PSG1: variants seen among roughly 807,000 people sequenced by gnomAD.
The protein encoded by PSG1 is pregnancy specific beta-1-glycoprotein 1, also known as pregnancy-specific beta-1-glycoprotein 1.
In PSG1, 60 loss-of-function variants were observed where a neutral mutation model predicts 41.4. The observed-to-expected ratio is 1.45, with a 90% CI of 1.18 to 1.80. PSG1 has a LOEUF of 1.80. Ranked by LOEUF, PSG1 falls within the 40% of genes most tolerant of loss-of-function variation. The pLI, the probability that PSG1 is intolerant of heterozygous loss-of-function variation, is 0.00. For missense variants in PSG1, 806 were observed against 516.9 expected (o/e 1.56, Z -5.42); for synonymous variants, 256 against 192.9 (o/e 1.33, Z -2.71).
At chr19:42,867,234 T>G in intron 5 of PSG1, 84 bp from the exon 6 acceptor site, 1 of 757,100 alleles carries the variant, frequency 1.3e-6, no homozygotes, top group Non-Finnish European at 2.4e-6. Flanking sequence ...ATTTTCCACA[T>G]AATTTTTCCC....
At chr19:42,871,741 C>G in intron 3 of PSG1, 26 bp downstream of exon 3, 2 of 1,612,646 alleles carry the variant, frequency 1.2e-6, no homozygotes, top group Non-Finnish European at 1.7e-6. Flanking sequence ...GGCAGCCTGG[C>G]TCACAGAGGA....
Position 42,866,602 on chromosome 19 carries a change from G to A in PSG1, c.*532C>T, listed in dbSNP as rs7248388. The stretch of plus-strand genomic sequence containing the variant: ...TCTATTATAATTTCAGCTTTCCTAC[G>A]TCTTCATACAAACCATCTTCTCTGC... On this transcript the variant is annotated 3_prime_UTR_variant, in exon 6 of 6. Coordinates refer to ENST00000436291, the MANE Select transcript of PSG1 (RefSeq NM_001184825.2). 149 of 213,436 alleles carry A rather than the reference G, an allele frequency of 7.0e-4. 2 individuals carry two copies. The highest frequency in any genetic ancestry group is 2.7e-3 in the African/African-American group (119 of 43,878). 13.2% of individuals were successfully genotyped at this position (213,436 alleles called of 1,614,324 possible). A position where few individuals can be genotyped will look rare whatever the true frequency, so the allele number is the denominator to read the frequency against.
At chr19:42,879,453 C>T (rs1475146682) in intron 1 of PSG1, 65 bp downstream of exon 1, 10 of 1,590,498 alleles carry the variant, frequency 6.3e-6, no homozygotes, top group Non-Finnish European at 7.7e-6. Context: ...CCATCCTCTC[C>T]AGGAGACCCC....
In PSG1 at chr19:42,867,846, A is replaced by G. The variant is rs1273761219; in HGVS notation, c.1243+255T>C. ...TAAAAATCATAAAAACATTATCTTC[A>G]TTATTATCAATTATTTCAATGAAAT... On this transcript the variant is annotated intron_variant, in intron 5 of 5. Coordinates refer to ENST00000436291, the MANE Select transcript of PSG1 (RefSeq NM_001184825.2). The G allele has an allele frequency of 3.1e-6, 4 of 1,292,462 alleles. 1 individual carries two copies. The highest frequency in any genetic ancestry group is 3.0e-5 in the African/African-American group (2 of 66,084). 80.1% of individuals were successfully genotyped at this position (1,292,462 alleles called of 1,614,324 possible).
intron 3 of PSG1, chr19:42,869,483 T>C: frequency 5.1e-6 from 1 of 196,884 alleles, no homozygotes; most frequent in East Asian, 1.1e-4. Flanking sequence ...TGAGTAATAA[T>C]GGGACTTCCC....
chr19:42,873,830 G>T (rs1467428234), intron 2 of PSG1, among the ~76,000 whole-genome samples: 1 of 151,598 alleles, frequency 6.6e-6, no homozygotes, highest in Non-Finnish European at 1.5e-5. Context: ...TCTGTGCAGA[G>T]TTAGGAAAAA....
At chr19:42,872,197 G>T in intron 2 of PSG1, 152 bp from the exon 3 acceptor site, 2 of 1,175,234 alleles carry the variant, frequency 1.7e-6, no homozygotes, top group Non-Finnish European at 2.4e-6. Context: ...CAGATGCATG[G>T]CAATCTGAGG....
intron 5 of PSG1, chr19:42,867,527 T>G (rs1034802776): frequency 1.7e-6 from 1 of 605,968 alleles, no homozygotes; most frequent in African/African-American, 1.9e-5. Context: ...GTTTTTAATA[T>G]AACATCCGAA....
chr19:42,872,172 G>T, intron 2 of PSG1, 127 bp from the exon 3 acceptor site: 1 of 1,357,772 alleles, frequency 7.4e-7, no homozygotes, highest in African/African-American at 1.5e-5. Context: ...CATGGCAGGT[G>T]TGTGTGATAC....
At chr19:42,876,066 G>A in intron 2 of PSG1, among the ~76,000 whole-genome samples, 1 of 151,350 alleles carries the variant, frequency 6.6e-6, no homozygotes, top group East Asian at 1.9e-4. Context: ...TCTTTCCTGG[G>A]AGGTGGGCCA....
chr19:42,872,935 A>T (rs1046160447), intron 2 of PSG1, among the ~76,000 whole-genome samples: 23 of 151,820 alleles, frequency 1.5e-4, no homozygotes, highest in African/African-American at 5.3e-4. Flanking sequence ...TTTGGTGAAT[A>T]TTAGACCAAT....
intron 3 of PSG1, among the ~76,000 whole-genome samples, chr19:42,871,489 C>A (rs112675409): frequency 0.13 from 19,590 of 151,640 alleles, 1,720 homozygotes; most frequent in Admixed American, 0.18. Flanking sequence ...AGCCAAATCC[C>A]CACTGTGTTC....
intron 5 of PSG1, 59 bp downstream of exon 5, chr19:42,868,042 T>A (rs773984308): frequency 2.5e-6 from 4 of 1,611,894 alleles, no homozygotes; most frequent in Non-Finnish European, 3.4e-6. Flanking sequence ...GACTCTTCTC[T>A]GAATGCCAGA....
chr19:42,878,810 C>T lies in PSG1; in HGVS notation c.65-532G>A, dbSNP rs190470893. Among the ~76,000 whole-genome samples, 21 of 151,070 alleles carry T rather than the reference C, an allele frequency of 1.4e-4. 1 individual carries two copies. In the South Asian group the frequency reaches 3.6e-3, roughly 26 times the overall value. On this transcript the variant is annotated intron_variant, in intron 1 of 5. Coordinates refer to ENST00000436291, the MANE Select transcript of PSG1 (RefSeq NM_001184825.2). The stretch of plus-strand genomic sequence containing the variant: ...GGGACTTTTGTGATCTTGGTTGCAC[C>T]CCAGTGCCTGGAACAGGCTGCAGAC...
At chr19:42,879,052 C>G (rs1376481905) in intron 1 of PSG1, among the ~76,000 whole-genome samples, 3 of 151,620 alleles carry the variant, frequency 2.0e-5, no homozygotes, top group African/African-American at 7.3e-5. Flanking sequence ...TACCTCTTAC[C>G]AATTCCGGTC....
chr19:42,870,681 T>A (rs1381395514), intron 3 of PSG1: 1 of 151,720 alleles, frequency 6.6e-6, no homozygotes, highest in African/African-American at 2.4e-5. Flanking sequence ...AATCTGCAAC[T>A]CATTTTGGGT....
chr19:42,873,247 T>C (rs1483964882), intron 2 of PSG1, among the ~76,000 whole-genome samples: 1 of 151,706 alleles, frequency 6.6e-6, no homozygotes, highest in South Asian at 2.1e-4. Flanking sequence ...CTAATTATTT[T>C]TTTATTTTGG....
chr19:42,878,182 A>T lies in PSG1; in HGVS notation c.161T>A (p.Leu54His). ...AAGATTCTGGGGCAAATTGTGGACA[A>T]GTAGAAGAACATCCTTCCCCTCGGA... The part of the protein sequence containing the change: ...KVSEGKDVLL[L>H]VHNLPQNLTG... The change falls in exon 2 of 6, where the codon CTT (leucine) becomes CAT (histidine). Residue 54 changes from leucine to histidine, a missense_variant. Transcript: ENST00000436291. 2 of 1,612,288 alleles carry T rather than the reference A, an allele frequency of 1.2e-6. No individual in the cohort carries two copies. The highest frequency in any genetic ancestry group is 1.7e-6 in the Non-Finnish European group (2 of 1,179,170).
rs1064477 is a variant in PSG1, at chr19:42,879,576, T to C, written c.6A>G (p.Gly2=). The stretch of plus-strand genomic sequence containing the variant: ...GTGTGCAGGGAGGGGCTGAGAGGGT[T>C]CCCATGGTCTCTGCTGCTTGTGTGT... M[G]TLSAPPCTQR... is the part of the protein sequence containing the mutation. Residue 2 remains glycine, a synonymous_variant, in exon 1 of 6, where the codon GGA becomes GGG. Transcript: ENST00000436291. 8.4e-5 allele frequency: 135 copies of C among 1,610,348 alleles called. 3 individuals carry two copies. Among genetic ancestry groups the C allele is most frequent in the Middle Eastern group, 4.9e-4 (3 of 6,066 alleles).
Sources: allele counts gnomAD v4.1 joint callset (sites outside exome capture counted in the v4.1 genomes callset), GRCh38; gene constraint gnomAD v4.1.1; transcripts MANE v1.5; gene names NCBI Gene and HGNC (gene_info 2026-07-23, HGNC 2026-07-21).